Variants in TRPM3 observed in about 807,000 individuals in gnomAD.
TRPM3 encodes the protein long transient receptor potential channel 3.
A neutral mutation model predicts 181.2 loss-of-function variants in TRPM3; 77 were observed. The observed-to-expected ratio is 0.42, with a 90% CI of 0.35 to 0.51. The LOEUF (loss-of-function observed/expected upper bound fraction) is 0.51. Ranked by LOEUF, TRPM3 falls within the 20% of genes least tolerant of loss-of-function variation. The pLI is 0.01. For synonymous variants in TRPM3, 745 were observed against 796.4 expected, an observed-to-expected ratio of 0.94 and a Z score of 1.09; for missense variants, 1,759 against 2,196.7, an observed-to-expected ratio of 0.80 and a Z score of 3.98.
At chr9:70,701,924 T>C (rs1447220603) in intron 8 of TRPM3, among the ~76,000 whole-genome samples, 2 of 145,644 alleles carry the variant, frequency 1.4e-5, no homozygotes, top group Non-Finnish European at 3.0e-5. Flanking sequence ...AACACAGATT[T>C]AAAAAGGTAG....
At chr9:71,249,483 A>G (rs559692323) in intron 1 of TRPM3, among the ~76,000 whole-genome samples, 5 of 152,224 alleles carry the variant, frequency 3.3e-5, no homozygotes, top group East Asian at 1.9e-4. Flanking sequence ...GTTCAGCAGC[A>G]TAACACTACT....
At chr9:71,059,179 C>T (rs2061018017) in intron 1 of TRPM3, among the ~76,000 whole-genome samples, 1 of 151,558 alleles carries the variant, frequency 6.6e-6, no homozygotes, top group East Asian at 2.0e-4. Flanking sequence ...ATCTCCACTC[C>T]CTCCAGGCTT....
chr9:71,216,881 C>A (rs760359556), intron 1 of TRPM3, among the ~76,000 whole-genome samples: 1 of 149,932 alleles, frequency 6.7e-6, no homozygotes, highest in South Asian at 2.1e-4. Flanking sequence ...TGTGAAAATA[C>A]CATTGCTGTA....
chr9:70,566,100 G>A (rs1189541237), intron 22 of TRPM3, among the ~76,000 whole-genome samples: 1 of 152,092 alleles, frequency 6.6e-6, no homozygotes, highest in Non-Finnish European at 1.5e-5. Flanking sequence ...TGGTGATAGT[G>A]GATGGACAGA....
At chr9:70,767,534 G>T (rs2079386734) in intron 7 of TRPM3, among the ~76,000 whole-genome samples, 1 of 152,158 alleles carries the variant, frequency 6.6e-6, no homozygotes, top group African/African-American at 2.4e-5. Flanking sequence ...TGTGGGTCAA[G>T]AATTTAGGCA....
rs891966392 is a variant in TRPM3, at chr9:70,906,011, C to T, written c.178-41500G>A. Among the ~76,000 whole-genome samples the T allele has an allele frequency of 3.3e-5, 5 of 152,212 alleles. No individual in the cohort carries two copies. The East Asian group carries it at 9.7e-4, about 29-fold the overall frequency. Reference sequence around the variant, plus strand: ...TGTTGAGATTACAGGTGGGAGCCACCTAGGCCAGCAGAGATTCATTTCTTG... The same window carrying T: ...TGTTGAGATTACAGGTGGGAGCCACTTAGGCCAGCAGAGATTCATTTCTTG... On this transcript the variant is annotated intron_variant, in intron 1 of 25. Transcript: ENST00000677713.
chr9:71,389,521 T>C (rs1432409724), intron 1 of TRPM3, among the ~76,000 whole-genome samples: 3 of 152,028 alleles, frequency 2.0e-5, no homozygotes, highest in African/African-American at 7.2e-5. Flanking sequence ...TCAAAAAAGA[T>C]ACTTGCACAC....
Position 70,639,209 on chromosome 9 carries a change from AC to A in TRPM3, c.1447-16del. On this transcript the variant is annotated splice_polypyrimidine_tract_variant and intron_variant, in intron 10 of 25. Transcript: ENST00000677713. ...AGAGATCCCACCTGCAAACCAAGTC[AC>A]TGAGTTAGTCTGCCCCAGGGTCTAT... The A allele has an allele frequency of 6.2e-7, 1 of 1,613,342 alleles. No individual in the cohort carries two copies. Among genetic ancestry groups the A allele is most frequent in the Non-Finnish European group, 8.5e-7 (1 of 1,179,676 alleles).
At chr9:71,329,413 A>G (rs2089957244) in intron 1 of TRPM3, among the ~76,000 whole-genome samples, 1 of 152,228 alleles carries the variant, frequency 6.6e-6, no homozygotes, top group Non-Finnish European at 1.5e-5. Context: ...ATTGGTCAAT[A>G]AGAGTTGAGT....
chr9:71,357,508 C>T (rs1445409929), intron 1 of TRPM3, among the ~76,000 whole-genome samples: 1 of 152,086 alleles, frequency 6.6e-6, no homozygotes, highest in East Asian at 1.9e-4. Context: ...AGTACTGTCC[C>T]CTCGCTTTGG....
At chr9:71,140,043 C>T (rs2134533348) in intron 1 of TRPM3, among the ~76,000 whole-genome samples, 1 of 152,230 alleles carries the variant, frequency 6.6e-6, no homozygotes, top group East Asian at 1.9e-4. Context: ...ATACCTAGAG[C>T]TATAGCAATC....
At chr9:71,409,071 C>T (rs1229163171) in intron 1 of TRPM3, among the ~76,000 whole-genome samples, 2 of 152,066 alleles carry the variant, frequency 1.3e-5, no homozygotes, top group African/African-American at 4.8e-5. Flanking sequence ...GCGATTTTGT[C>T]ACCACCAGGC....
intron 6 of TRPM3, among the ~76,000 whole-genome samples, chr9:70,801,191 C>A (rs2088896700): frequency 6.6e-6 from 1 of 152,144 alleles, no homozygotes; most frequent in Non-Finnish European, 1.5e-5. Flanking sequence ...CTTGCTCATA[C>A]CTTAGGGTCT....
At chr9:70,849,674 A>G (rs191701040) in intron 3 of TRPM3, among the ~76,000 whole-genome samples, 2 of 152,228 alleles carry the variant, frequency 1.3e-5, no homozygotes, top group African/African-American at 4.8e-5. Context: ...GAGTTATGGC[A>G]TTCTAAAGCC....
intron 1 of TRPM3, among the ~76,000 whole-genome samples, chr9:71,308,704 A>C (rs2087621400): frequency 6.6e-6 from 1 of 152,140 alleles, no homozygotes; most frequent in Non-Finnish European, 1.5e-5. Context: ...TTGAAGTTCA[A>C]AAATGGACGA....
chr9:71,407,879 G>A (rs2093467339), intron 1 of TRPM3, among the ~76,000 whole-genome samples: 1 of 152,104 alleles, frequency 6.6e-6, no homozygotes, highest in African/African-American at 2.4e-5. Context: ...AAAGCTTCTA[G>A]AGGAAGATCA....
intron 1 of TRPM3, among the ~76,000 whole-genome samples, chr9:71,378,575 C>A (rs1483775762): frequency 6.6e-6 from 1 of 151,984 alleles, no homozygotes; most frequent in Non-Finnish European, 1.5e-5. Context: ...GACACCACAC[C>A]AAGTTCTGAG....
chr9:70,822,759 TTGTGTGTG>T lies in TRPM3; in HGVS notation c.973+5080_973+5087del, dbSNP rs113090222. 1.8e-3 allele frequency among the ~76,000 whole-genome samples: 270 copies of T among 147,102 alleles called. 2 individuals are homozygous for T. Among genetic ancestry groups the T allele is most frequent in the South Asian group, 7.3e-3 (33 of 4,526 alleles). ...ACAGTTTCAAAAACAAAGATTTGTC[TTGTGTGTG>T]TGTGTGTGTGTGTGTGTGTGTGTGT... On this transcript the variant is annotated intron_variant, in intron 6 of 25. Transcript: ENST00000677713.
chr9:71,420,517 A>AAAAGAG (rs935323258), intron 1 of TRPM3, among the ~76,000 whole-genome samples: 4 of 151,620 alleles, frequency 2.6e-5, no homozygotes, highest in African/African-American at 9.7e-5. Context: ...CAAAGAAAGA[A>AAAAGAG]AAAGAGAAAG....
Sources: allele counts gnomAD v4.1 joint callset (sites outside exome capture counted in the v4.1 genomes callset), GRCh38; gene constraint gnomAD v4.1.1; transcripts MANE v1.5; gene names NCBI Gene and HGNC (gene_info 2026-07-23, HGNC 2026-07-21).